Variants in NPL observed in about 807,000 individuals in gnomAD.
The protein encoded by NPL is N-acetylneuraminate pyruvate lyase, also known as N-acetylneuraminate lyase.
In NPL, 32 loss-of-function variants were observed where a neutral mutation model predicts 41.1. The ratio of observed to expected loss-of-function variants is 0.78; its 90% CI spans 0.59 to 1.05. NPL has a LOEUF of 1.05. NPL is among the 50% of genes least tolerant of loss of function. The pLI is 0.00. For missense variants in NPL, 321 were observed against 378.4 expected (o/e 0.85, Z 1.26); for synonymous variants, 128 against 134.9 (o/e 0.95, Z 0.35).
intron 1 of NPL, among the ~76,000 whole-genome samples, chr1:182,790,401 C>A (rs1179627981): frequency 2.0e-5 from 3 of 152,178 alleles, no homozygotes; most frequent in Non-Finnish European, 4.4e-5. Context: ...CAGTAATAAT[C>A]TAAATTCACA....
intron 10 of NPL, among the ~76,000 whole-genome samples, chr1:182,821,071 T>C (rs190730445): frequency 3.9e-5 from 6 of 152,328 alleles, no homozygotes; most frequent in Admixed American, 6.5e-5. Context: ...GATTCAAATG[T>C]TAGTATTCTG....
rs374743661 is a variant in NPL at position 182,822,205 on chromosome 1, C to T, written c.738+6C>T. On this transcript the variant is annotated splice_donor_region_variant and intron_variant, in intron 11 of 12. Transcript: ENST00000367553. ...CTTTAGCCCTGAACTATCAGGTAAACGTTTTCTTCTCTTCCCATAAATCAC... is the reference window on the plus strand; with the variant it reads ...CTTTAGCCCTGAACTATCAGGTAAATGTTTTCTTCTCTTCCCATAAATCAC... 149 of 1,582,370 alleles carry T rather than the reference C, an allele frequency of 9.4e-5. No homozygotes were observed. The African/African-American group carries it at 1.4e-3, about 15-fold the overall frequency.
rs1369643675 is a variant in NPL at position 182,818,524 on chromosome 1, CTTA to C, written c.458-11_458-9del. 2 of 1,613,394 alleles carry C rather than the reference CTTA, an allele frequency of 1.2e-6. No individual in the cohort carries two copies. Among genetic ancestry groups the C allele is most frequent in the Non-Finnish European group, 1.7e-6 (2 of 1,180,004 alleles). On this transcript the variant is annotated splice_polypyrimidine_tract_variant and intron_variant, in intron 8 of 12. Coordinates refer to ENST00000367553, the MANE Select transcript of NPL (RefSeq NM_030769.3). ...TAGAGATGTGCAGATTAATGAGGCA[CTTA>C]TTATTTTGAGCAGTTCGTGCTGAGG...
intron 3 of NPL, among the ~76,000 whole-genome samples, chr1:182,800,138 A>T (rs568818019): frequency 2.0e-5 from 3 of 152,178 alleles, no homozygotes; most frequent in Admixed American, 2.0e-4. Flanking sequence ...AGGGTGGGAA[A>T]ACAAGTGAAG....
Position 182,822,212 on chromosome 1 carries a change from T to C in NPL, c.738+13T>C, listed in dbSNP as rs1229571581. The C allele has an allele frequency of 6.4e-7, 1 of 1,559,410 alleles. No homozygotes were observed. The highest frequency in any genetic ancestry group is 8.8e-7 in the Non-Finnish European group (1 of 1,130,088). On this transcript the variant is annotated intron_variant, in intron 11 of 12. Transcript: ENST00000367553. ...CCTGAACTATCAGGTAAACGTTTTC[T>C]TCTCTTCCCATAAATCACAGCCTTT...
chr1:182,818,286 G>A (rs1351949539), intron 8 of NPL, among the ~76,000 whole-genome samples: 4 of 152,112 alleles, frequency 2.6e-5, no homozygotes, highest in Non-Finnish European at 5.9e-5. Flanking sequence ...TTTGTCTCAG[G>A]AACCAGGGAC....
intron 11 of NPL, among the ~76,000 whole-genome samples, chr1:182,822,942 C>T (rs2102566341): frequency 6.6e-6 from 1 of 152,342 alleles, no homozygotes; most frequent in East Asian, 1.9e-4. Context: ...TCATAGCTCA[C>T]TGCAGCCTTG....
At chr1:182,806,555 A>T in intron 5 of NPL, 1 of 1,534,624 alleles carries the variant, frequency 6.5e-7, no homozygotes, top group Non-Finnish European at 8.7e-7. Context: ...GTGGTGACGG[A>T]CTCTGCTGGT....
In NPL at chr1:182,814,974, G is replaced by A. The variant is rs1667283454; in HGVS notation, c.364+116G>A. 3.8e-6 allele frequency: 3 copies of A among 799,242 alleles called. No individual in the cohort carries two copies. The South Asian group carries it at 4.4e-5, about 12-fold the overall frequency. The allele number at this position is 799,242 out of a possible 1,614,324, so 49.5% of individuals were successfully genotyped here. Reference sequence around the variant, plus strand: ...AAGCACTATAGATTGGAGGCTTGAAGTCGCAATGGTACAGTGGTTCTCTGA... The same window carrying A: ...AAGCACTATAGATTGGAGGCTTGAAATCGCAATGGTACAGTGGTTCTCTGA... On this transcript the variant is annotated intron_variant, in intron 7 of 12. Coordinates refer to ENST00000367553, the MANE Select transcript of NPL (RefSeq NM_030769.3).
chr1:182,807,179 A>G (rs1026338842), intron 5 of NPL, among the ~76,000 whole-genome samples: 1 of 152,138 alleles, frequency 6.6e-6, no homozygotes, highest in Non-Finnish European at 1.5e-5. Flanking sequence ...GTTATATGTT[A>G]TGTACTGTGC....
Position 182,794,513 on chromosome 1 carries a change from A to C in NPL, c.68+74A>C, listed in dbSNP as rs1227860283. ...AAGGAGAGAAGTTCTTTGTAACAAC[A>C]GTCACTTAAGACCCTGCACCTCTGT... On this transcript the variant is annotated intron_variant, in intron 3 of 12. Coordinates refer to ENST00000367553, the MANE Select transcript of NPL (RefSeq NM_030769.3). 4.2e-6 allele frequency: 6 copies of C among 1,420,242 alleles called. No homozygotes were observed. In the Admixed American group the frequency reaches 1.0e-4, roughly 24 times the overall value. 88.0% of individuals were successfully genotyped at this position (1,420,242 alleles called of 1,614,324 possible).
At chr1:182,790,790 C>T (rs978278568) in intron 1 of NPL, among the ~76,000 whole-genome samples, 1 of 152,148 alleles carries the variant, frequency 6.6e-6, no homozygotes, top group African/African-American at 2.4e-5. Context: ...ACTACAGGCT[C>T]CCGCCACCAC....
intron 6 of NPL, among the ~76,000 whole-genome samples, chr1:182,813,808 C>T (rs1480307963): frequency 6.6e-6 from 1 of 152,188 alleles, no homozygotes; most frequent in Non-Finnish European, 1.5e-5. Flanking sequence ...GGTGTTTCCT[C>T]TTTCCTTGCT....
At chr1:182,815,789 T>A (rs1446745976) in intron 7 of NPL, among the ~76,000 whole-genome samples, 1 of 152,058 alleles carries the variant, frequency 6.6e-6, no homozygotes, top group African/African-American at 2.4e-5. Flanking sequence ...AAAAATTTTA[T>A]AGGGACAGGA....
At chr1:182,807,926 G>A (rs1211197006) in intron 5 of NPL, among the ~76,000 whole-genome samples, 1 of 149,546 alleles carries the variant, frequency 6.7e-6, no homozygotes, top group Non-Finnish European at 1.5e-5. Flanking sequence ...TACCAAAAAT[G>A]AGGGACAGGG....
chr1:182,793,923 CT>C (rs36009183), intron 2 of NPL, among the ~76,000 whole-genome samples: 16,074 of 152,104 alleles, frequency 0.11, 1,249 homozygotes, highest in African/African-American at 0.22. Flanking sequence ...ATATGCCAGG[CT>C]TGGGGCTGAC....
At chr1:182,803,588 G>C in intron 3 of NPL, 110 bp from the exon 4 acceptor site, 1 of 761,302 alleles carries the variant, frequency 1.3e-6, no homozygotes, top group Non-Finnish European at 2.3e-6. Flanking sequence ...CACAAATTGA[G>C]TGGATTTTTA....
chr1:182,813,535 T>C (rs1667238319), intron 6 of NPL, among the ~76,000 whole-genome samples: 1 of 152,218 alleles, frequency 6.6e-6, no homozygotes, highest in Non-Finnish European at 1.5e-5. Flanking sequence ...ATTTTTCTTT[T>C]TTCTCTCTTT....
chr1:182,808,603 G>A (rs535401699), intron 5 of NPL, among the ~76,000 whole-genome samples: 12 of 152,124 alleles, frequency 7.9e-5, no homozygotes, highest in Admixed American at 2.0e-4. Context: ...AATGTTGAGC[G>A]TGTTTCTGTG....
Sources: allele counts gnomAD v4.1 joint callset (sites outside exome capture counted in the v4.1 genomes callset), GRCh38; gene constraint gnomAD v4.1.1; transcripts MANE v1.5; gene names NCBI Gene and HGNC (gene_info 2026-07-23, HGNC 2026-07-21).